The following LRRC69 variants were observed in gnomAD, a reference collection of about 807,000 sequenced individuals.
LRRC69 encodes the protein leucine rich repeat containing 69, also known as leucine-rich repeat-containing protein 69.
LRRC69 carries 42 observed loss-of-function variants against 37.8 expected under a neutral mutation model. The observed-to-expected ratio is 1.11, with a 90% CI of 0.87 to 1.44. The LOEUF is 1.44. LRRC69 is among the 40% of genes most tolerant of loss of function. LRRC69 has a pLI of 0.00. For synonymous variants in LRRC69, 141 were observed against 143.1 expected, an observed-to-expected ratio of 0.99 and a Z score of 0.11; for missense variants, 357 against 401.9, an observed-to-expected ratio of 0.89 and a Z score of 0.96.
intron 1 of LRRC69, among the ~76,000 whole-genome samples, chr8:91,114,652 T>A (rs776255670): frequency 1.3e-5 from 2 of 152,028 alleles, no homozygotes; most frequent in African/African-American, 4.8e-5. Flanking sequence ...TACAGTAACA[T>A]GCTGTATTGC....
intron 6 of LRRC69, among the ~76,000 whole-genome samples, chr8:91,191,415 T>C (rs1458883739): frequency 6.6e-6 from 1 of 152,186 alleles, no homozygotes; most frequent in Non-Finnish European, 1.5e-5. Flanking sequence ...CAAGGTACTG[T>C]TCTAAGCACT....
chr8:91,162,152 A>T (rs1808956328), intron 5 of LRRC69, among the ~76,000 whole-genome samples: 1 of 151,232 alleles, frequency 6.6e-6, no homozygotes, highest in South Asian at 2.1e-4. Flanking sequence ...ATTTGTTGAG[A>T]CTTGTTTTAT....
intron 5 of LRRC69, among the ~76,000 whole-genome samples, chr8:91,186,439 G>T (rs760899255): frequency 6.6e-6 from 1 of 152,082 alleles, no homozygotes; most frequent in Non-Finnish European, 1.5e-5. Context: ...GAGTTAAAAG[G>T]GTATGGCATG....
At position 91,103,285 on chromosome 8, in the gene LRRC69, T is replaced by TAAATACAGGAA. The variant is rs1554588144; in HGVS notation, c.183+441_183+442insAAATACAGGAA. Reference sequence around the variant, plus strand: ...ATTTAGGATGCAGCAAGGGAGTTCCTTTTCAATTTCCTAGGGCAGGCTGAA... The same window carrying TAAATACAGGAA: ...ATTTAGGATGCAGCAAGGGAGTTCCTAAATACAGGAATTTCAATTTCCTAGGGCAGGCTGAA... On this transcript the variant is annotated intron_variant, in intron 1 of 7. Coordinates refer to ENST00000448384, the Ensembl canonical transcript of LRRC69. Among the ~76,000 whole-genome samples the TAAATACAGGAA allele has an allele frequency of 2.4e-3, 363 of 151,736 alleles. 13 individuals are homozygous for TAAATACAGGAA. Among genetic ancestry groups the TAAATACAGGAA allele is most frequent in the Admixed American group, 5.5e-3 (83 of 15,168 alleles).
chr8:91,179,063 A>T (rs970780890), intron 5 of LRRC69, among the ~76,000 whole-genome samples: 1 of 152,190 alleles, frequency 6.6e-6, no homozygotes, highest in Non-Finnish European at 1.5e-5. Flanking sequence ...TTCACTGAGG[A>T]TTAAATGAGA....
intron 4 of LRRC69, among the ~76,000 whole-genome samples, chr8:91,135,299 AC>A (rs1813889563): frequency 6.6e-6 from 1 of 152,064 alleles, no homozygotes; most frequent in Admixed American, 6.6e-5. Flanking sequence ...CCATTCAACA[AC>A]CGTATGACTT....
chr8:91,213,711 A>G (rs1369291408), intron 7 of LRRC69, among the ~76,000 whole-genome samples: 1 of 152,170 alleles, frequency 6.6e-6, no homozygotes, highest in African/African-American at 2.4e-5. Context: ...TGGTTTGGGA[A>G]GTGCCTAGAA....
chr8:91,178,547 C>A (rs1809274353), intron 5 of LRRC69, among the ~76,000 whole-genome samples: 1 of 152,160 alleles, frequency 6.6e-6, no homozygotes, highest in Non-Finnish European at 1.5e-5. Flanking sequence ...TCTTCTGTTT[C>A]CCTTTGTCAT....
At chr8:91,199,207 A>T (rs1809672798) in intron 6 of LRRC69, among the ~76,000 whole-genome samples, 1 of 152,226 alleles carries the variant, frequency 6.6e-6, no homozygotes, top group South Asian at 2.1e-4. Context: ...TTATTTAAGA[A>T]TCACAAGCTA....
intron 1 of LRRC69, among the ~76,000 whole-genome samples, chr8:91,122,880 C>A (rs1437062338): frequency 1.3e-5 from 2 of 151,970 alleles, no homozygotes; most frequent in Non-Finnish European, 2.9e-5. Flanking sequence ...GGTTATATGA[C>A]AAAGGGAAAT....
At chr8:91,197,446 C>A (rs11998685) in intron 6 of LRRC69, among the ~76,000 whole-genome samples, 1 of 151,288 alleles carries the variant, frequency 6.6e-6, no homozygotes, top group Non-Finnish European at 1.5e-5. Flanking sequence ...CCCAGCCTCG[C>A]TGCCGCCTCG....
In LRRC69 at chr8:91,195,527, C is replaced by G. The variant is rs1294651906; in HGVS notation, c.754-5086C>G. On this transcript the variant is annotated intron_variant, in intron 6 of 7. Transcript: ENST00000448384. ...GACTTGCTTTATGAATCTGGGTGCTCCTGTATTGGGTGCATATATATTTAG... is the reference window on the plus strand; with the variant it reads ...GACTTGCTTTATGAATCTGGGTGCTGCTGTATTGGGTGCATATATATTTAG... 4.7e-3 allele frequency among the ~76,000 whole-genome samples: 701 copies of G among 150,564 alleles called. 5 individuals are homozygous for G. Among genetic ancestry groups the G allele is most frequent in the African/African-American group, 0.016 (671 of 41,234 alleles).
chr8:91,117,686 A>G (rs141605374), intron 1 of LRRC69, among the ~76,000 whole-genome samples: 16 of 146,216 alleles, frequency 1.1e-4, no homozygotes, highest in African/African-American at 3.8e-4. Flanking sequence ...AGGGGTTTTT[A>G]TTGGCCACAG....
exon 8 of LRRC69, chr8:91,218,922 G>T: frequency 6.5e-7 from 1 of 1,550,386 alleles, no homozygotes; most frequent in Non-Finnish European, 8.7e-7. Context: ...TGAAGCTGGT[G>T]CCTCTCCAAG....
At chr8:91,134,340 G>A (rs1180783670) in intron 4 of LRRC69, among the ~76,000 whole-genome samples, 1 of 151,634 alleles carries the variant, frequency 6.6e-6, no homozygotes, top group Non-Finnish European at 1.5e-5. Flanking sequence ...GGAGGTCAAA[G>A]GCCTGATTAC....
In LRRC69 at chr8:91,133,323, C is replaced by A; in HGVS notation, c.579+18C>A. 1.4e-6 allele frequency: 2 copies of A among 1,480,536 alleles called. No individual in the cohort carries two copies. Among genetic ancestry groups the A allele is most frequent in the South Asian group, 1.4e-5 (1 of 73,792 alleles). 91.7% of individuals were successfully genotyped at this position (1,480,536 alleles called of 1,614,324 possible). ...TGCCGGAGGTAAGCAAAACATGGAA[C>A]CACAGTAGTTTGCTGTTGGAGAAGA... is the stretch of plus-strand genomic sequence containing the variant. On this transcript the variant is annotated intron_variant, in intron 4 of 7. Transcript: ENST00000448384.
chr8:91,180,903 G>C (rs946927525), intron 5 of LRRC69, among the ~76,000 whole-genome samples: 5 of 152,060 alleles, frequency 3.3e-5, no homozygotes, highest in African/African-American at 1.2e-4. Context: ...AAATAACTGA[G>C]AGAAAACAAG....
At chr8:91,197,293 T>C (rs1809622457) in intron 6 of LRRC69, among the ~76,000 whole-genome samples, 1 of 152,144 alleles carries the variant, frequency 6.6e-6, no homozygotes, top group African/African-American at 2.4e-5. Context: ...TGCTGTCTTT[T>C]TGTTTGTCTG....
intron 6 of LRRC69, among the ~76,000 whole-genome samples, chr8:91,195,098 T>C (rs2130619148): frequency 6.6e-6 from 1 of 152,368 alleles, no homozygotes; most frequent in South Asian, 2.1e-4. Context: ...CATTTTGTTA[T>C]GTACCCAGTA....
Sources: allele counts gnomAD v4.1 joint callset (sites outside exome capture counted in the v4.1 genomes callset), GRCh38; gene constraint gnomAD v4.1.1; transcripts MANE v1.5; gene names NCBI Gene and HGNC (gene_info 2026-07-23, HGNC 2026-07-21).